QTMAN: variants seen among roughly 807,000 people sequenced by gnomAD.
QTMAN encodes the protein tRNA-queuosine alpha-mannosyltransferase.
chr2:144,215,249 TAAAA>T, the QTMAN span, among the ~76,000 whole-genome samples: 2 of 139,734 alleles, frequency 1.4e-5, no homozygotes, highest in Admixed American at 7.1e-5. Context: ...CTTTATTTTT[TAAAA>T]AAAAAAAAAT....
At chr2:144,326,362 C>T in the QTMAN span, among the ~76,000 whole-genome samples, 2 of 151,810 alleles carry the variant, frequency 1.3e-5, no homozygotes, top group South Asian at 2.1e-4. Context: ...GTGAGGCGGG[C>T]GGATCATGAG....
the QTMAN span, among the ~76,000 whole-genome samples, chr2:144,277,715 C>T: frequency 6.6e-6 from 1 of 151,958 alleles, no homozygotes; most frequent in Non-Finnish European, 1.5e-5. Context: ...GACATTTTCC[C>T]TTTCCTCTCT....
At chr2:144,226,411 A>C in the QTMAN span, among the ~76,000 whole-genome samples, 2 of 152,194 alleles carry the variant, frequency 1.3e-5, no homozygotes, top group Non-Finnish European at 2.9e-5. Context: ...GTTGACCTTC[A>C]TTACTTCCAA....
the QTMAN span, among the ~76,000 whole-genome samples, chr2:144,212,799 TA>T: frequency 1.3e-5 from 2 of 152,238 alleles, no homozygotes; most frequent in African/African-American, 4.8e-5. Context: ...AATGAAAACC[TA>T]CTATACTATT....
chr2:144,251,960 T>C, the QTMAN span, among the ~76,000 whole-genome samples: 1 of 150,650 alleles, frequency 6.6e-6, no homozygotes, highest in Non-Finnish European at 1.5e-5. Context: ...CTTTGGGAGG[T>C]GGAGGTGGAA....
the QTMAN span, among the ~76,000 whole-genome samples, chr2:144,129,905 C>T: frequency 2.0e-5 from 3 of 151,662 alleles, no homozygotes; most frequent in Admixed American, 6.6e-5. Context: ...AAAATAAATT[C>T]GTAGACAACA....
chr2:144,090,853 T>G, the QTMAN span, among the ~76,000 whole-genome samples: 2 of 151,952 alleles, frequency 1.3e-5, no homozygotes, highest in Non-Finnish European at 2.9e-5. Context: ...AACCTTATTC[T>G]AAAATTCAGC....
chr2:143,958,785 T>C, the QTMAN span, among the ~76,000 whole-genome samples: 3 of 147,704 alleles, frequency 2.0e-5, no homozygotes, highest in Non-Finnish European at 4.5e-5. Flanking sequence ...TTTCTTTCTT[T>C]TTTTTTTTTT....
the QTMAN span, among the ~76,000 whole-genome samples, chr2:144,047,298 T>C: frequency 9.2e-5 from 14 of 151,984 alleles, no homozygotes; most frequent in African/African-American, 3.4e-4. Context: ...AAAAAAAGAC[T>C]ATTCGCCATT....
chr2:144,261,121 T>C, the QTMAN span, among the ~76,000 whole-genome samples: 1 of 152,196 alleles, frequency 6.6e-6, no homozygotes, highest in Non-Finnish European at 1.5e-5. Context: ...AGCCTACCAA[T>C]CTAATAAGCT....
At chr2:144,003,946 T>C in the QTMAN span, among the ~76,000 whole-genome samples, 2 of 152,084 alleles carry the variant, frequency 1.3e-5, no homozygotes, top group Non-Finnish European at 2.9e-5. Flanking sequence ...TTCATGGGCA[T>C]ATTTTTTTAT....
the QTMAN span, among the ~76,000 whole-genome samples, chr2:144,298,073 C>G: frequency 1.3e-5 from 2 of 150,940 alleles, no homozygotes; most frequent in African/African-American, 4.9e-5. Flanking sequence ...GGCTGGAGTG[C>G]AATGGCGCGA....
At chr2:144,028,297 A>C in the QTMAN span, among the ~76,000 whole-genome samples, 1 of 152,226 alleles carries the variant, frequency 6.6e-6, no homozygotes, top group Non-Finnish European at 1.5e-5. Context: ...TGCTTAACAA[A>C]GTTTAGTGTT....
the QTMAN span, among the ~76,000 whole-genome samples, chr2:144,327,782 T>C: frequency 9.9e-5 from 15 of 151,982 alleles, no homozygotes; most frequent in Non-Finnish European, 1.9e-4. Context: ...GTAGGGGAGA[T>C]AGCAAGGAGA....
the QTMAN span, among the ~76,000 whole-genome samples, chr2:144,183,731 T>C: frequency 6.6e-6 from 1 of 152,200 alleles, no homozygotes; most frequent in Non-Finnish European, 1.5e-5. Context: ...ATGGCCAGAT[T>C]TGTTAAGGAA....
chr2:144,176,005 T>C, the QTMAN span, among the ~76,000 whole-genome samples: 9 of 152,114 alleles, frequency 5.9e-5, no homozygotes, highest in Admixed American at 3.3e-4. Context: ...TAGTGAAATA[T>C]GGGGTGATGA....
At chr2:143,987,598 T>C in the QTMAN span, among the ~76,000 whole-genome samples, 3 of 152,208 alleles carry the variant, frequency 2.0e-5, no homozygotes, top group Non-Finnish European at 4.4e-5. Flanking sequence ...TATCAATACA[T>C]GTGTAGAAGG....
At chr2:143,977,236 G>A in the QTMAN span, among the ~76,000 whole-genome samples, 2 of 152,104 alleles carry the variant, frequency 1.3e-5, no homozygotes, top group Non-Finnish European at 2.9e-5. Flanking sequence ...GAGGAGAGGG[G>A]GAGGAAGTCC....
chr2:144,293,125 C>T, the QTMAN span, among the ~76,000 whole-genome samples: 1 of 152,204 alleles, frequency 6.6e-6, no homozygotes, highest in East Asian at 1.9e-4. Flanking sequence ...ATAGTCGACT[C>T]TAGTATTCAA....
Sources: gnomAD v4.1 joint callset for allele counts (sites outside exome capture counted in the v4.1 genomes callset) on GRCh38, gnomAD v4.1.1 for gene constraint, MANE v1.5 for transcripts, NCBI Gene and HGNC (gene_info 2026-07-23, HGNC 2026-07-21) for gene names.